DHTKD1: variants seen among roughly 807,000 people sequenced by gnomAD.
DHTKD1 encodes 2-oxoadipate dehydrogenase complex component E1.
In DHTKD1, 78 loss-of-function variants were observed where a neutral mutation model predicts 101.8. That is an observed-to-expected ratio of 0.77 (90% confidence interval 0.64 to 0.93). The LOEUF is 0.93. Ranked by LOEUF, DHTKD1 falls within the 40% of genes least tolerant of loss-of-function variation. DHTKD1 has a pLI of 0.00. For synonymous variants in DHTKD1, 462 were observed against 450.3 expected, an observed-to-expected ratio of 1.03 and a Z score of -0.33; for missense variants, 1,223 against 1,161.7, an observed-to-expected ratio of 1.05 and a Z score of -0.77.
chr10:12,116,611 G>C (rs930808485), intron 13 of DHTKD1, among the ~76,000 whole-genome samples: 1 of 150,938 alleles, frequency 6.6e-6, no homozygotes, highest in Non-Finnish European at 1.5e-5. Flanking sequence ...GGCTGGTCTT[G>C]AACTCCTGAT....
chr10:12,104,184 CCTT>C (rs1253246719), intron 10 of DHTKD1, among the ~76,000 whole-genome samples: 8 of 152,126 alleles, frequency 5.3e-5, no homozygotes, highest in Admixed American at 3.3e-4. Context: ...ATCAGTACAT[CCTT>C]CTTTTTTTTG....
chr10:12,085,034 A>T (rs1832876918), intron 3 of DHTKD1, among the ~76,000 whole-genome samples: 1 of 150,248 alleles, frequency 6.7e-6, no homozygotes, highest in African/African-American at 2.5e-5. Flanking sequence ...CTGGGTAACA[A>T]GAGTGAAACA....
Position 12,074,145 on chromosome 10 carries a change from C to T in DHTKD1, c.154+4958C>T, listed in dbSNP as rs534513383. ...CATTTTTCTCTTACAGTAATTCTTT[C>T]ATTTCTGCAGTAATAGAAAGTTTTG... On this transcript the variant is annotated intron_variant, in intron 1 of 16. Coordinates refer to ENST00000263035, the MANE Select transcript of DHTKD1 (RefSeq NM_018706.7). Among the ~76,000 whole-genome samples, 26 of 152,086 alleles carry T rather than the reference C, an allele frequency of 1.7e-4. No individual in the cohort carries two copies. In the South Asian group the frequency reaches 5.4e-3, roughly 32 times the overall value.
In DHTKD1 at chr10:12,081,452, T is replaced by A. The variant is rs777435388; in HGVS notation, c.155-20T>A. 15 of 1,612,568 alleles carry A rather than the reference T, an allele frequency of 9.3e-6. 1 individual carries two copies. In the East Asian group the frequency reaches 1.3e-4, roughly 14 times the overall value. On this transcript the variant is annotated intron_variant, in intron 1 of 16. Transcript: ENST00000263035. ...TCATCTCCTAAACTGTTTGCATTTT[T>A]AAATTTTCCCCTGATTTAGTTGATC... is the stretch of plus-strand genomic sequence containing the variant.
chr10:12,108,525 C>T (rs960231905), intron 12 of DHTKD1, among the ~76,000 whole-genome samples: 28 of 152,268 alleles, frequency 1.8e-4, no homozygotes, highest in Non-Finnish European at 3.8e-4. Flanking sequence ...AGTGATCTAC[C>T]CGCCTCAGCT....
rs912430968 is a variant in DHTKD1 at position 12,106,532 on chromosome 10, C to T, written c.2047+136C>T. 40 of 1,104,766 alleles carry T rather than the reference C, an allele frequency of 3.6e-5. No homozygotes were observed. The South Asian group carries it at 5.0e-4, about 14-fold the overall frequency. 68.4% of individuals were successfully genotyped at this position (1,104,766 alleles called of 1,614,324 possible). On this transcript the variant is annotated intron_variant, in intron 11 of 16. Transcript: ENST00000263035. ...GGCGGCGCCTCCAGGGAGTTGGGGTCACCCTGTTATGACGGGAGTGTGGCC... is the reference window on the plus strand; with the variant it reads ...GGCGGCGCCTCCAGGGAGTTGGGGTTACCCTGTTATGACGGGAGTGTGGCC...
In DHTKD1 at chr10:12,093,341, G is replaced by T. The variant is rs139287417; in HGVS notation, c.1160-732G>T. Among the ~76,000 whole-genome samples, 44 of 152,262 alleles carry T rather than the reference G, an allele frequency of 2.9e-4. No individual in the cohort carries two copies. In the East Asian group the frequency reaches 7.3e-3, roughly 25 times the overall value. The stretch of plus-strand genomic sequence containing the variant: ...TTATAGGCGTGAGCCACTGCACCTG[G>T]CCACAGCTAATTTTTAAAATAATTT... On this transcript the variant is annotated intron_variant, in intron 6 of 16. Coordinates refer to ENST00000263035, the MANE Select transcript of DHTKD1 (RefSeq NM_018706.7).
chr10:12,112,808 A>G, intron 12 of DHTKD1, 92 bp from the exon 13 acceptor site: 2 of 1,260,846 alleles, frequency 1.6e-6, no homozygotes, highest in Non-Finnish European at 2.2e-6. Flanking sequence ...ATAATCAAGA[A>G]CACCTGTGTT....
chr10:12,117,796 TTTAA>T (rs1833444442), intron 14 of DHTKD1, 41 bp downstream of exon 14: 1 of 1,142,700 alleles, frequency 8.8e-7, no homozygotes, highest in African/African-American at 1.5e-5. Context: ...GTGGCAGAAT[TTTAA>T]TTAATGGGAA....
rs1272350333 is a variant in DHTKD1 at position 12,087,735 on chromosome 10, G to T, written c.717+6G>T. ...TTCTGCAGTTCCCTCCAGAGGTAAG[G>T]TTACTCGCTGTGTTTCTCAGTAGCA... On this transcript the variant is annotated splice_donor_region_variant and intron_variant, in intron 4 of 16. Transcript: ENST00000263035. This position sits in a 1 kb window ranked among gnomAD's most constrained non-coding sequence, Gnocchi z 5.2. The T allele has an allele frequency of 1.3e-6, 2 of 1,575,284 alleles. No individual in the cohort carries two copies. Among genetic ancestry groups the T allele is most frequent in the African/African-American group, 1.4e-5 (1 of 73,724 alleles).
chr10:12,106,801 C>T (rs936607150), intron 11 of DHTKD1, among the ~76,000 whole-genome samples: 12 of 152,154 alleles, frequency 7.9e-5, no homozygotes, highest in African/African-American at 2.9e-4. Context: ...GTTTTGAATA[C>T]CTGCCTTAAA....
intron 2 of DHTKD1, among the ~76,000 whole-genome samples, chr10:12,083,294 T>G (rs1457824624): frequency 6.7e-6 from 1 of 149,524 alleles, no homozygotes; most frequent in African/African-American, 2.4e-5. Flanking sequence ...CAAAAAAAAA[T>G]CACAAAGAAA....
At chr10:12,091,815 A>T (rs1296047946) in intron 6 of DHTKD1, 131 bp downstream of exon 6, 6 of 694,306 alleles carry the variant, frequency 8.6e-6, no homozygotes, top group Middle Eastern at 4.2e-4. Flanking sequence ...TTAATTAATT[A>T]ATTTTTTGAG....
At chr10:12,104,093 C>T (rs1344981656) in intron 10 of DHTKD1, among the ~76,000 whole-genome samples, 4 of 152,268 alleles carry the variant, frequency 2.6e-5, no homozygotes, top group South Asian at 4.1e-4. Flanking sequence ...GTGACTAGAA[C>T]GGTATAACAT....
chr10:12,078,054 A>C (rs1405617495), intron 1 of DHTKD1, among the ~76,000 whole-genome samples: 2 of 152,082 alleles, frequency 1.3e-5, no homozygotes, highest in Non-Finnish European at 2.9e-5. Context: ...CTTTGTGGCA[A>C]GGAGGGTTAT....
chr10:12,110,745 A>T lies in DHTKD1; in HGVS notation c.2155-2155A>T, dbSNP rs1833317538. ...ACAGTAGATCTCCAGAACTTATTCAAGGGAGGAAAGTTGGCCTAGCATGGT... is the reference window on the plus strand; with the variant it reads ...ACAGTAGATCTCCAGAACTTATTCATGGGAGGAAAGTTGGCCTAGCATGGT... On this transcript the variant is annotated intron_variant, in intron 12 of 16. Transcript: ENST00000263035. This position sits in a 1 kb window ranked among gnomAD's most constrained non-coding sequence, Gnocchi z 4.9. Among the ~76,000 whole-genome samples the T allele has an allele frequency of 6.6e-6, 1 of 152,034 alleles. No individual in the cohort carries two copies. The highest frequency in any genetic ancestry group is 1.5e-5 in the Non-Finnish European group (1 of 68,002).
At chr10:12,111,165 T>A (rs1045229402) in intron 12 of DHTKD1, among the ~76,000 whole-genome samples, 1 of 151,992 alleles carries the variant, frequency 6.6e-6, no homozygotes, top group Non-Finnish European at 1.5e-5. Context: ...GAGTTCCTTT[T>A]GTGTTTTCTT....
chr10:12,084,832 CCT>C, intron 3 of DHTKD1, 81 bp downstream of exon 3: 1 of 1,281,330 alleles, frequency 7.8e-7, no homozygotes, highest in Non-Finnish European at 1.1e-6. Flanking sequence ...GGGCGGATCA[CCT>C]GAGGTCAGGA....
intron 12 of DHTKD1, among the ~76,000 whole-genome samples, chr10:12,111,582 A>G (rs762292505): frequency 6.6e-6 from 1 of 152,212 alleles, no homozygotes; most frequent in South Asian, 2.1e-4. Flanking sequence ...ATTTCCTTGC[A>G]TTGGTAAAAT....
Sources: gnomAD v4.1 joint callset for allele counts (sites outside exome capture counted in the v4.1 genomes callset) on GRCh38, gnomAD v4.1.1 for gene constraint, Gnocchi (gnomAD v3.1) non-coding constraint, MANE v1.5 for transcripts, NCBI Gene and HGNC (gene_info 2026-07-23, HGNC 2026-07-21) for gene names.